Variants in UBR4 observed in about 807,000 individuals in gnomAD.
UBR4 encodes ubiquitin protein ligase E3 component n-recognin 4.
Under a neutral mutation model 575.6 loss-of-function variants are expected in UBR4, and 124 were observed. The ratio of observed to expected loss-of-function variants is 0.22; its 90% confidence interval spans 0.19 to 0.25. The LOEUF (loss-of-function observed/expected upper bound fraction) is 0.25. UBR4 is among the 10% of genes least tolerant of loss of function. The probability of loss-of-function intolerance (pLI) is 1.00; values close to 1 mark genes in which losing one functional copy is unlikely to be tolerated. For synonymous variants in UBR4, 2,455 were observed against 2,473.7 expected (o/e 0.99, Z 0.22); for missense variants, 4,818 against 6,478.8 (o/e 0.74, Z 8.80).
At position 19,176,717 on chromosome 1, in the gene UBR4, T is replaced by G; in HGVS notation, c.2648A>C (p.Asn883Thr). Residue 883 changes from asparagine (N) to threonine (T), a missense_variant, in exon 20 of 106, where the codon AAC becomes ACC. Physicochemically the swap from Asn to Thr is moderately conservative, Grantham distance 65 (BLOSUM62 0). Transcript: ENST00000375254. ...CCACCCAAAGGGAGGACTTAGCAGG[T>G]TATGCTGTACCTTTTAAAACACAAA... ...PVYLFEQVQH[N>T]LLSPPFGWAS... 1 of 1,613,964 alleles carries G rather than the reference T, an allele frequency of 6.2e-7. No individual in the cohort carries two copies. The highest frequency in any genetic ancestry group is 8.5e-7 in the Non-Finnish European group (1 of 1,179,944).
At chr1:19,131,574 CA>C (rs997392032) in intron 60 of UBR4, among the ~76,000 whole-genome samples, 1 of 151,824 alleles carries the variant, frequency 6.6e-6, no homozygotes, top group Non-Finnish European at 1.5e-5. Context: ...CAAGAGATTT[CA>C]AAAAAAATCT....
chr1:19,209,822 G>A (rs1470095164), intron 1 of UBR4, among the ~76,000 whole-genome samples: 1 of 152,202 alleles, frequency 6.6e-6, no homozygotes, highest in Non-Finnish European at 1.5e-5. Flanking sequence ...AACCATGTCC[G>A]GCCACGCCCT....
In UBR4 at chr1:19,127,713, G is replaced by A. The variant is rs752560964; in HGVS notation, c.9138C>T (p.Ser3046=). The A allele has an allele frequency of 2.9e-5, 47 of 1,614,078 alleles. 1 individual carries two copies. Among genetic ancestry groups the A allele is most frequent in the South Asian group, 2.6e-4 (24 of 91,084 alleles). Residue 3046 remains serine (S), a synonymous_variant, in exon 63 of 106, where the codon AGC becomes AGT. Transcript: ENST00000375254. The stretch of plus-strand genomic sequence containing the variant: ...CTACCAGATGGACTTCATTCAGGGC[G>A]CTGCGCTCATTCTTCTTGGAGACAT... ...KKDVSKKNER[S]ALNEVHLVVM... is the part of the protein sequence containing the mutation.
Position 19,172,939 on chromosome 1 carries a change from T to C in UBR4, c.3446A>G (p.His1149Arg), listed in dbSNP as rs1557898041. The C allele has an allele frequency of 3.7e-6, 6 of 1,614,022 alleles. No homozygotes were observed. Among genetic ancestry groups the C allele is most frequent in the African/African-American group, 1.3e-5 (1 of 74,908 alleles). Residue 1149 changes from histidine (H) to arginine (R), a missense_variant, in exon 25 of 106, where the codon CAT becomes CGT. Transcript: ENST00000375254. ...FSKMAAETDPHKSSEITKNLL... is the reference protein window; with the variant it reads ...FSKMAAETDPRKSSEITKNLL... ...GTTCTTGGTAATCTCAGACGACTTA[T>C]GAGGATCAGTCTCAGCAGCCATCTT...
Position 19,165,688 on chromosome 1 carries a change from A to C in UBR4, c.4179T>G (p.Ala1393=). 6.2e-7 allele frequency: 1 copy of C among 1,614,180 alleles called. No individual in the cohort carries two copies. Among genetic ancestry groups the C allele is most frequent in the Admixed American group, 1.7e-5 (1 of 60,024 alleles). ...AGAAAAACTCCTCCATAGCTTTACG[A>C]GCCTGGCTACTTTCCAGCTGCTTTT... is the stretch of plus-strand genomic sequence containing the variant. ...YLEKQLESSQ[A]RKAMEEFFSD... Residue 1393 remains alanine (A), a synonymous_variant, in exon 30 of 106, where the codon GCT becomes GCG. Coordinates refer to ENST00000375254, the MANE Select transcript of UBR4 (RefSeq NM_020765.3).
chr1:19,175,234 C>T (rs1449666546), intron 20 of UBR4, among the ~76,000 whole-genome samples: 1 of 151,554 alleles, frequency 6.6e-6, no homozygotes, highest in African/African-American at 2.4e-5. Context: ...GCCTCTACCC[C>T]CTGAATGCCA....
chr1:19,153,586 G>C lies in UBR4; in HGVS notation c.6631-84C>G. 1 of 1,550,924 alleles carries C rather than the reference G, an allele frequency of 6.4e-7. No individual in the cohort carries two copies. On this transcript the variant is annotated intron_variant, in intron 45 of 105. Coordinates refer to ENST00000375254, the MANE Select transcript of UBR4 (RefSeq NM_020765.3). This position sits in a 1 kb window ranked among gnomAD's most constrained non-coding sequence, Gnocchi z 4.1. The stretch of plus-strand genomic sequence containing the variant: ...CAGAAAAAGAGGCAGAGATGCAACT[G>C]GTTTCATGGTCAGTTGAGGGGCTGT...
At position 19,117,081 on chromosome 1, in the gene UBR4, T is replaced by G; in HGVS notation, c.10823+140A>C. 2 of 877,794 alleles carry G rather than the reference T, an allele frequency of 2.3e-6. No individual in the cohort carries two copies. Among genetic ancestry groups the G allele is most frequent in the South Asian group, 3.6e-5 (2 of 54,962 alleles). The allele number at this position is 877,794 out of a possible 1,614,324, so 54.4% of individuals were successfully genotyped here. ...AGAACTGTTGTTTCACTTTTGTCCTTTGGTCATGAATGGAGGGGCCAAGAG... is the reference window on the plus strand; with the variant it reads ...AGAACTGTTGTTTCACTTTTGTCCTGTGGTCATGAATGGAGGGGCCAAGAG... On this transcript the variant is annotated intron_variant, in intron 73 of 105. Transcript: ENST00000375254. The surrounding 1 kb of genome is among the most constrained non-coding windows in gnomAD (Gnocchi z 4.0).
In UBR4 at chr1:19,110,691, G is replaced by T. The variant is rs10916957; in HGVS notation, c.11892+51C>A. 248,163 of 1,578,806 alleles carry T rather than the reference G, an allele frequency of 0.16. 20,746 individuals carry two copies. Among genetic ancestry groups the T allele is most frequent in the African/African-American group, 0.26 (19,134 of 74,190 alleles). On this transcript the variant is annotated intron_variant, in intron 79 of 105. Transcript: ENST00000375254. This position sits in a 1 kb window ranked among gnomAD's most constrained non-coding sequence, Gnocchi z 4.5. ...GGGAGGGGAAGCTGAGAAACACAAG[G>T]CATGTGAGGGGAAGTCAGAGAGGAC...
intron 28 of UBR4, among the ~76,000 whole-genome samples, chr1:19,167,456 A>T (rs2088699294): frequency 6.6e-6 from 1 of 152,206 alleles, no homozygotes. Context: ...AATCATTTTC[A>T]TTTGAAAAAT....
At chr1:19,084,759 G>A (rs1570232348) in intron 101 of UBR4, 61 bp from the exon 102 acceptor site, 2 of 1,511,924 alleles carry the variant, frequency 1.3e-6, no homozygotes, top group Non-Finnish European at 9.0e-7. Flanking sequence ...ACCCAGTTTG[G>A]GAGACAGAGC....
In UBR4 at chr1:19,093,906, A is replaced by T; in HGVS notation, c.13937+43T>A. 1 of 1,581,890 alleles carries T rather than the reference A, an allele frequency of 6.3e-7. No individual in the cohort carries two copies. The highest frequency in any genetic ancestry group is 8.6e-7 in the Non-Finnish European group (1 of 1,159,902). On this transcript the variant is annotated intron_variant, in intron 95 of 105. Coordinates refer to ENST00000375254, the MANE Select transcript of UBR4 (RefSeq NM_020765.3). The surrounding 1 kb of genome is among the most constrained non-coding windows in gnomAD (Gnocchi z 4.8). Reference sequence around the variant, plus strand: ...TCTCACAGACCTAGTTCGGCGTTTTAGTGGAGACTCTCATTTCACTATATG... The same window carrying T: ...TCTCACAGACCTAGTTCGGCGTTTTTGTGGAGACTCTCATTTCACTATATG...
chr1:19,153,230 T>C lies in UBR4; in HGVS notation c.6832+71A>G. ...ATTTCTTCACAGATATTTTCAACAGTCTATTCTGAGTCACTGTCTAGAAGA... is the reference window on the plus strand; with the variant it reads ...ATTTCTTCACAGATATTTTCAACAGCCTATTCTGAGTCACTGTCTAGAAGA... On this transcript the variant is annotated intron_variant, in intron 46 of 105. Transcript: ENST00000375254. This position sits in a 1 kb window ranked among gnomAD's most constrained non-coding sequence, Gnocchi z 4.1. 2.0e-6 allele frequency: 3 copies of C among 1,492,214 alleles called. No individual in the cohort carries two copies. Among genetic ancestry groups the C allele is most frequent in the Non-Finnish European group, 2.8e-6 (3 of 1,074,106 alleles). The allele number at this position is 1,492,214 out of a possible 1,614,324, so 92.4% of individuals were successfully genotyped here.
chr1:19,107,643 G>A (rs1195813903), intron 81 of UBR4, among the ~76,000 whole-genome samples: 1 of 151,970 alleles, frequency 6.6e-6, no homozygotes, highest in Non-Finnish European at 1.5e-5. Context: ...AAATTAGCTG[G>A]GCACGGTAGT....
At chr1:19,149,898 G>C in intron 49 of UBR4, 2 of 895,980 alleles carry the variant, frequency 2.2e-6, no homozygotes, top group South Asian at 1.7e-5. Flanking sequence ...GGGCATCGGG[G>C]AAAAAGAAAG....
At position 19,144,811 on chromosome 1, in the gene UBR4, A is replaced by C. The variant is rs1425682155; in HGVS notation, c.8042T>G (p.Ile2681Ser). ...ELDCINTASK[I>S]YMQMLLCPDP... ...AGGACACAAGAGCATCTGCATGTAG[A>C]TCTTGGATGCTGTGTTAATACAATC... The change falls in exon 54 of 106, where the codon ATC becomes AGC. Residue 2681 changes from isoleucine (I) to serine (S), a missense_variant. This residue lies in a region of UBR4 where 340 missense variants were observed against 375.4 expected (regional missense o/e 0.91). Coordinates refer to ENST00000375254, the MANE Select transcript of UBR4 (RefSeq NM_020765.3). 7.4e-6 allele frequency: 12 copies of C among 1,614,170 alleles called. No homozygotes were observed. The highest frequency in any genetic ancestry group is 1.0e-5 in the Non-Finnish European group (12 of 1,180,006).
Position 19,138,193 on chromosome 1 carries a change from T to A in UBR4, c.8732-12A>T. ...GCTCCGGCCAGATACTAGAGGGAAA[T>A]GGTTTAAAAAGCACAAATCAACTCC... is the stretch of plus-strand genomic sequence containing the variant. On this transcript the variant is annotated splice_polypyrimidine_tract_variant and intron_variant, in intron 59 of 105. Transcript: ENST00000375254. 1 of 1,483,410 alleles carries A rather than the reference T, an allele frequency of 6.7e-7. No individual in the cohort carries two copies. Among genetic ancestry groups the A allele is most frequent in the Non-Finnish European group, 9.0e-7 (1 of 1,106,332 alleles). The allele number at this position is 1,483,410 out of a possible 1,614,324, so 91.9% of individuals were successfully genotyped here.
At chr1:19,208,837 G>A (rs1053164051) in intron 1 of UBR4, among the ~76,000 whole-genome samples, 3 of 152,148 alleles carry the variant, frequency 2.0e-5, no homozygotes, top group African/African-American at 4.8e-5. Context: ...CTGATTCTAC[G>A]TAACATGAGT....
intron 14 of UBR4, among the ~76,000 whole-genome samples, chr1:19,186,204 T>C (rs1352039838): frequency 6.6e-6 from 1 of 152,218 alleles, no homozygotes; most frequent in Non-Finnish European, 1.5e-5. Context: ...TGTGACCTTT[T>C]GAGTTTCACT....
Sources: allele counts gnomAD v4.1 joint callset (sites outside exome capture counted in the v4.1 genomes callset), GRCh38; gene constraint gnomAD v4.1.1; regional missense constraint gnomAD v4.1.1; non-coding constraint Gnocchi (gnomAD v3.1); transcripts MANE v1.5; gene names NCBI Gene and HGNC (gene_info 2026-07-23, HGNC 2026-07-21).